Variants in FBXO30 observed in about 807,000 individuals in gnomAD.
FBXO30 encodes F-box only protein 30.
In FBXO30, 21 loss-of-function variants were observed where a neutral mutation model predicts 58.1. The ratio of observed to expected loss-of-function variants is 0.36; its 90% CI spans 0.26 to 0.52. The LOEUF (loss-of-function observed/expected upper bound fraction) is 0.52, where lower values mean the gene tolerates loss of function less well. Ranked by LOEUF, FBXO30 falls within the 20% of genes least tolerant of loss-of-function variation. The pLI is 0.93. For synonymous variants in FBXO30, 309 were observed against 312.4 expected (o/e 0.99, Z 0.11); for missense variants, 744 against 897.3 (o/e 0.83, Z 2.18).
At position 145,799,646 on chromosome 6, in the gene FBXO30, C is replaced by T. The variant is rs1777937418; in HGVS notation, c.*460G>A. The T allele has an allele frequency of 6.5e-6, 1 of 153,062 alleles. No homozygotes were observed. The highest frequency in any genetic ancestry group is 2.4e-5 in the African/African-American group (1 of 41,398). 9.5% of individuals were successfully genotyped at this position (153,062 alleles called of 1,614,324 possible). ...ATAGGGAAGCACTAAAAGACAAAAA[C>T]ATTATAATGATATTATGGCAGTGCT... On this transcript the variant is annotated 3_prime_UTR_variant, in exon 3 of 3. Coordinates refer to ENST00000237281, the MANE Select transcript of FBXO30 (RefSeq NM_032145.5).
rs1386801368 is a variant in FBXO30 at position 145,798,892 on chromosome 6, T to G, written c.*1214A>C. The G allele has an allele frequency of 2.0e-5, 3 of 152,100 alleles. No individual in the cohort carries two copies. Among genetic ancestry groups the G allele is most frequent in the Non-Finnish European group, 4.4e-5 (3 of 67,968 alleles). 9.4% of individuals were successfully genotyped at this position (152,100 alleles called of 1,614,324 possible). A position where few individuals can be genotyped will look rare whatever the true frequency, so the allele number is the denominator to read the frequency against. ...ATTTACTTAAGACAAATTATTTAAGTATATATTCCCACCTTTGCAATTTAT... is the reference window on the plus strand; with the variant it reads ...ATTTACTTAAGACAAATTATTTAAGGATATATTCCCACCTTTGCAATTTAT... On this transcript the variant is annotated 3_prime_UTR_variant, in exon 3 of 3. Transcript: ENST00000237281.
chr6:145,811,968 A>G (rs1267461729), intron 1 of FBXO30: 1 of 152,182 alleles, frequency 6.6e-6, no homozygotes, highest in Non-Finnish European at 1.5e-5. Context: ...TTTAAAAATC[A>G]TAATAAATCT....
intron 1 of FBXO30, among the ~76,000 whole-genome samples, chr6:145,810,781 A>G (rs951329070): frequency 6.6e-6 from 1 of 152,232 alleles, no homozygotes; most frequent in African/African-American, 2.4e-5. Flanking sequence ...AGAAGTGCAA[A>G]TTAGCATGAT....
chr6:145,805,057 T>C lies in FBXO30; in HGVS notation c.1349A>G (p.Asp450Gly), dbSNP rs200906244. Residue 450 changes from aspartate to glycine, a missense_variant, in exon 2 of 3, where the codon GAT becomes GGT. This residue lies in a region of FBXO30 where 334 missense variants were observed against 433.7 expected (regional missense o/e 0.77). Coordinates refer to ENST00000237281, the MANE Select transcript of FBXO30 (RefSeq NM_032145.5). ...AGTCCCAACGTCAATGTGATAAATA[T>C]CAGCCATGCGGCTATCAGATATACC... is the stretch of plus-strand genomic sequence containing the variant. The part of the protein sequence containing the change: ...GRGISDSRMA[D>G]IYHIDVGTQT... 90 of 1,613,908 alleles carry C rather than the reference T, an allele frequency of 5.6e-5. No homozygotes were observed. Among genetic ancestry groups the C allele is most frequent in the Non-Finnish European group, 7.3e-5 (86 of 1,179,942 alleles).
chr6:145,809,439 T>G (rs763079033), intron 1 of FBXO30, among the ~76,000 whole-genome samples: 1 of 152,196 alleles, frequency 6.6e-6, no homozygotes, highest in Non-Finnish European at 1.5e-5. Flanking sequence ...AGGGACACTT[T>G]ATGTTACTGT....
At chr6:145,803,053 T>C (rs1018690594) in intron 2 of FBXO30, among the ~76,000 whole-genome samples, 1 of 151,966 alleles carries the variant, frequency 6.6e-6, no homozygotes, top group Non-Finnish European at 1.5e-5. Context: ...TATATAGTGG[T>C]TGGGAGTTCA....
rs1777942037 is a variant in FBXO30 at position 145,799,814 on chromosome 6, A to G, written c.*292T>C. 2 of 178,924 alleles carry G rather than the reference A, an allele frequency of 1.1e-5. No homozygotes were observed. Among genetic ancestry groups the G allele is most frequent in the Non-Finnish European group, 2.3e-5 (2 of 85,800 alleles). The allele number at this position is 178,924 out of a possible 1,614,324, so 11.1% of individuals were successfully genotyped here. On this transcript the variant is annotated 3_prime_UTR_variant, in exon 3 of 3. Coordinates refer to ENST00000237281, the MANE Select transcript of FBXO30 (RefSeq NM_032145.5). ...GATTTTTTTAGTTTAAGAAGCAAAA[A>G]TTTAAGAACCAAAATATGCACACCA...
At chr6:145,800,662 CAT>C (rs1033007346) in intron 2 of FBXO30, among the ~76,000 whole-genome samples, 2 of 152,072 alleles carry the variant, frequency 1.3e-5, no homozygotes, top group Non-Finnish European at 2.9e-5. Context: ...ACTATTCTTT[CAT>C]ACTCTCCAAT....
rs1259283834 is a variant in FBXO30 at position 145,804,897 on chromosome 6, T to C, written c.1509A>G (p.Leu503=). ...GGTACCTAGCGACACATTCCAATAC[T>C]AAATCCAGCCCAAGTGTCTGAAACG... ...PSPFQTLGLD[L]VLECVARYQP... Residue 503 remains leucine, a synonymous_variant, in exon 2 of 3, where the codon TTA becomes TTG. Transcript: ENST00000237281. 9.9e-6 allele frequency: 16 copies of C among 1,613,792 alleles called. No homozygotes were observed. Among genetic ancestry groups the C allele is most frequent in the Non-Finnish European group, 1.4e-5 (16 of 1,179,908 alleles).
chr6:145,805,754 T>C lies in FBXO30; in HGVS notation c.652A>G (p.Met218Val), dbSNP rs1288683492. 1.9e-6 allele frequency: 3 copies of C among 1,614,008 alleles called. No individual in the cohort carries two copies. Among genetic ancestry groups the C allele is most frequent in the Non-Finnish European group, 2.5e-6 (3 of 1,180,002 alleles). Residue 218 changes from methionine (M) to valine (V), a missense_variant, in exon 2 of 3, where the codon ATG becomes GTG. Physicochemically the swap from Met to Val is conservative, Grantham distance 21 (BLOSUM62 1). Transcript: ENST00000237281. ...TCTCTCGCATTTTGCTGTTCATCCA[T>C]GTCATTTGGGACACTTGTATTTAAC... ...GMLNTSVPND[M>V]DEQQNARESL...
intron 1 of FBXO30, 88 bp from the exon 2 acceptor site, chr6:145,806,509 C>T: frequency 1.0e-6 from 1 of 957,632 alleles, no homozygotes; most frequent in Non-Finnish European, 1.5e-6. Context: ...ACTAATTTAT[C>T]TAATATCTTG....
In FBXO30 at chr6:145,805,014, T is replaced by C. The variant is rs1267929569; in HGVS notation, c.1392A>G (p.Pro464=). 6.8e-6 allele frequency: 11 copies of C among 1,613,804 alleles called. No individual in the cohort carries two copies. Among genetic ancestry groups the C allele is most frequent in the Non-Finnish European group, 9.3e-6 (11 of 1,179,940 alleles). Residue 464 remains proline, a synonymous_variant, in exon 2 of 3, where the codon CCA becomes CCG. Coordinates refer to ENST00000237281, the MANE Select transcript of FBXO30 (RefSeq NM_032145.5). ...IDVGTQTFSL[P]SAILATSTMV... is the part of the protein sequence containing the mutation. ...TTGTACTTGTAGCTAATATTGCAGA[T>C]GGAAGTGAAAAAGTCTGAGTCCCAA...
At chr6:145,806,766 G>T (rs1250976040) in intron 1 of FBXO30, among the ~76,000 whole-genome samples, 1 of 152,096 alleles carries the variant, frequency 6.6e-6, no homozygotes, top group African/African-American at 2.4e-5. Flanking sequence ...GTGTATTTTA[G>T]ATTTCAGAGT....
Position 145,796,436 on chromosome 6 carries a change from C to G in FBXO30, c.*3670G>C, listed in dbSNP as rs1214457389. The G allele has an allele frequency of 6.6e-6, 1 of 152,018 alleles. No homozygotes were observed. The highest frequency in any genetic ancestry group is 6.6e-5 in the Admixed American group (1 of 15,262). The allele number at this position is 152,018 out of a possible 1,614,324, so 9.4% of individuals were successfully genotyped here. A position where few individuals can be genotyped will look rare whatever the true frequency, so the allele number is the denominator to read the frequency against. On this transcript the variant is annotated 3_prime_UTR_variant, in exon 3 of 3. Transcript: ENST00000237281. Reference sequence around the variant, plus strand: ...TAACTAATATTCTCTGCTTCCTAGACCTTATGAGCATCTTAAGTAAGACTA... The same window carrying G: ...TAACTAATATTCTCTGCTTCCTAGAGCTTATGAGCATCTTAAGTAAGACTA...
At position 145,804,627 on chromosome 6, in the gene FBXO30, T is replaced by C. The variant is rs766631024; in HGVS notation, c.1779A>G (p.Val593=). The part of the protein sequence containing the change: ...HLRSFGVQPC[V]STVLVEPARN... ...TAGCAGGCTCCACTAATACTGTAGA[T>C]ACACATGGCTGAACTCCAAATGACC... Residue 593 remains valine, a synonymous_variant, in exon 2 of 3, where the codon GTA becomes GTG. Coordinates refer to ENST00000237281, the MANE Select transcript of FBXO30 (RefSeq NM_032145.5). The C allele has an allele frequency of 1.7e-5, 28 of 1,613,750 alleles. No individual in the cohort carries two copies. Among genetic ancestry groups the C allele is most frequent in the Middle Eastern group, 3.3e-4 (2 of 6,078 alleles).
chr6:145,794,729 A>G lies in FBXO30; in HGVS notation c.*5377T>C, dbSNP rs1777836208. The G allele has an allele frequency of 6.6e-6, 1 of 151,894 alleles. No homozygotes were observed. Among genetic ancestry groups the G allele is most frequent in the Non-Finnish European group, 1.5e-5 (1 of 67,820 alleles). 9.4% of individuals were successfully genotyped at this position (151,894 alleles called of 1,614,324 possible). On this transcript the variant is annotated 3_prime_UTR_variant, in exon 3 of 3. Transcript: ENST00000237281. ...CAATCAAATAACACGGTTAAACCTG[A>G]ATGCTGATACTTGTTAGATTCAGCA...
Position 145,798,981 on chromosome 6 carries a change from A to G in FBXO30, c.*1125T>C, listed in dbSNP as rs1482776103. The G allele has an allele frequency of 6.6e-6, 1 of 152,130 alleles. No individual in the cohort carries two copies. Among genetic ancestry groups the G allele is most frequent in the African/African-American group, 2.4e-5 (1 of 41,542 alleles). The allele number at this position is 152,130 out of a possible 1,614,324, so 9.4% of individuals were successfully genotyped here. ...ATCAGGTTAATAATGGTATAAATCA[A>G]TTTGAAAACTATAATAAACTACTTC... On this transcript the variant is annotated 3_prime_UTR_variant, in exon 3 of 3. Transcript: ENST00000237281.
Position 145,805,633 on chromosome 6 carries a change from T to C in FBXO30, c.773A>G (p.Asn258Ser), listed in dbSNP as rs1442799628. Residue 258 changes from asparagine (N) to serine (S), a missense_variant, in exon 2 of 3, where the codon AAT becomes AGT. Around this residue, in one of 3 missense-constraint regions of FBXO30, gnomAD observed 275 missense variants for 262.0 expected, o/e 1.05. Coordinates refer to ENST00000237281, the MANE Select transcript of FBXO30 (RefSeq NM_032145.5). The part of the protein sequence containing the change: ...GGIDYNDTNQ[N>S]AQSEQNGSSD... ...TGAACCATTTTGTTCAGACTGGGCATTCTGATTTGTGTCATTGTAGTCAAT... is the reference window on the plus strand; with the variant it reads ...TGAACCATTTTGTTCAGACTGGGCACTCTGATTTGTGTCATTGTAGTCAAT... The C allele has an allele frequency of 6.2e-7, 1 of 1,614,136 alleles. No individual in the cohort carries two copies. Among genetic ancestry groups the C allele is most frequent in the Non-Finnish European group, 8.5e-7 (1 of 1,179,992 alleles).
At chr6:145,806,448 G>T (rs1158813332) in intron 1 of FBXO30, 27 bp from the exon 2 acceptor site, 4 of 1,549,908 alleles carry the variant, frequency 2.6e-6, no homozygotes, top group Non-Finnish European at 3.5e-6. Context: ...AAAAAGATAA[G>T]AAATTAGCCA....
Sources: allele counts gnomAD v4.1 joint callset (sites outside exome capture counted in the v4.1 genomes callset), GRCh38; gene constraint gnomAD v4.1.1; regional missense constraint gnomAD v4.1.1; transcripts MANE v1.5; gene names NCBI Gene and HGNC (gene_info 2026-07-23, HGNC 2026-07-21).